The following PAX3 variants were observed in gnomAD, a reference collection of about 807,000 sequenced individuals.
The protein encoded by PAX3 is paired box 3, also known as paired box protein Pax-3.
PAX3 carries 14 observed loss-of-function variants against 51.6 expected under a neutral mutation model. That is an observed-to-expected ratio of 0.27 (90% CI 0.18 to 0.42). The LOEUF is 0.42. PAX3 is among the 10% of genes least tolerant of loss of function. The pLI is 1.00. For synonymous variants in PAX3, 280 were observed against 253.4 expected (o/e 1.11, Z -1.00); for missense variants, 540 against 642.8 (o/e 0.84, Z 1.73).
At chr2:222,268,084 C>T (rs1330838174) in intron 4 of PAX3, among the ~76,000 whole-genome samples, 1 of 152,174 alleles carries the variant, frequency 6.6e-6, no homozygotes, top group East Asian at 1.9e-4. Flanking sequence ...CTATTACTGT[C>T]CCTCCAAACA....
chr2:222,267,739 C>T (rs1694102677), intron 4 of PAX3, among the ~76,000 whole-genome samples: 1 of 152,180 alleles, frequency 6.6e-6, no homozygotes. Context: ...ACCCCCTAAC[C>T]ACTCAAACAT....
intron 4 of PAX3, among the ~76,000 whole-genome samples, chr2:222,285,319 T>C (rs1422807206): frequency 2.0e-5 from 3 of 152,188 alleles, no homozygotes; most frequent in Admixed American, 2.0e-4. Context: ...AATAAAATGC[T>C]TTTGAAAGAA....
At chr2:222,296,908 CCCCG>C in intron 2 of PAX3, 66 bp downstream of exon 2, 3 of 1,326,342 alleles carry the variant, frequency 2.3e-6, no homozygotes, top group Non-Finnish European at 3.2e-6. Flanking sequence ...AGCCGTTACC[CCCCG>C]CCCGGTCTTC....
intron 5 of PAX3, among the ~76,000 whole-genome samples, chr2:222,226,269 G>A (rs1477969268): frequency 6.6e-6 from 1 of 152,108 alleles, no homozygotes; most frequent in Non-Finnish European, 1.5e-5. Context: ...GGAAATTCAG[G>A]GCAAGCTGCT....
chr2:222,220,534 C>T (rs116204259), intron 6 of PAX3, among the ~76,000 whole-genome samples, 180 bp from the exon 7 acceptor site: 3 of 152,246 alleles, frequency 2.0e-5, no homozygotes, highest in East Asian at 3.9e-4. Flanking sequence ...TACAGTCACA[C>T]CTATCTCTGC....
At chr2:222,223,437 T>C (rs1304767720) in intron 5 of PAX3, among the ~76,000 whole-genome samples, 2 of 152,192 alleles carry the variant, frequency 1.3e-5, no homozygotes, top group African/African-American at 2.4e-5. Context: ...TAACTGTGCT[T>C]TCTCACTGCC....
At chr2:222,228,365 CTGTTTATTGG>C (rs1324655149) in intron 5 of PAX3, among the ~76,000 whole-genome samples, 1 of 152,150 alleles carries the variant, frequency 6.6e-6, no homozygotes, top group Non-Finnish European at 1.5e-5. Context: ...GTATGAACTA[CTGTTTATTGG>C]TTTGATCCCA....
intron 4 of PAX3, among the ~76,000 whole-genome samples, chr2:222,240,130 G>C (rs1028665773): frequency 2.0e-5 from 3 of 152,182 alleles, no homozygotes; most frequent in Non-Finnish European, 4.4e-5. Flanking sequence ...CCGAGTGCCT[G>C]CTGCCCTGGG....
intron 4 of PAX3, among the ~76,000 whole-genome samples, chr2:222,277,930 C>T (rs1380423792): frequency 1.8e-5 from 2 of 110,936 alleles, no homozygotes; most frequent in African/African-American, 3.2e-5. Flanking sequence ...GAGACTCCAT[C>T]TCAAAAAAAA....
At chr2:222,252,131 G>A (rs1390909371) in intron 4 of PAX3, among the ~76,000 whole-genome samples, 2 of 152,152 alleles carry the variant, frequency 1.3e-5, no homozygotes, top group Non-Finnish European at 2.9e-5. Context: ...TTTTAGTGTT[G>A]ATAAAGTCTA....
chr2:222,294,386 A>C (rs1574764855), intron 3 of PAX3, 85 bp from the exon 4 acceptor site: 4 of 1,498,696 alleles, frequency 2.7e-6, no homozygotes, highest in Non-Finnish European at 3.7e-6. Flanking sequence ...CCACCCCCAA[A>C]CACCAGCCAG....
At chr2:222,247,084 C>G (rs1254148690) in intron 4 of PAX3, among the ~76,000 whole-genome samples, 1 of 152,194 alleles carries the variant, frequency 6.6e-6, no homozygotes, top group Non-Finnish European at 1.5e-5. Flanking sequence ...AAGTTAGCCA[C>G]AAGTTTAAGA....
chr2:222,298,918 A>C lies in PAX3; in HGVS notation c.-303T>G. ...ACTGGGGTCCCTGAAAAGGGGGCTC[A>C]GAGAGCCACGGCGAGCCGGGGAGCC... On this transcript the variant is annotated 5_prime_UTR_variant, in exon 1 of 9. Transcript: ENST00000392070. The C allele has an allele frequency of 2.0e-6, 1 of 509,566 alleles. No individual in the cohort carries two copies. The highest frequency in any genetic ancestry group is 3.6e-6 in the Non-Finnish European group (1 of 281,372). 31.6% of individuals were successfully genotyped at this position (509,566 alleles called of 1,614,324 possible).
At chr2:222,216,403 C>G (rs1459739823) in intron 7 of PAX3, among the ~76,000 whole-genome samples, 2 of 152,150 alleles carry the variant, frequency 1.3e-5, no homozygotes, top group Admixed American at 1.3e-4. Context: ...TGCACAGACC[C>G]TTTCAGCAAC....
chr2:222,220,897 G>T (rs1170880276), intron 6 of PAX3, among the ~76,000 whole-genome samples: 1 of 152,162 alleles, frequency 6.6e-6, no homozygotes, highest in African/African-American at 2.4e-5. Context: ...AAGCATCATT[G>T]AATTCCAGTT....
chr2:222,214,307 G>C (rs769926727), intron 7 of PAX3: 1 of 152,140 alleles, frequency 6.6e-6, no homozygotes, highest in Non-Finnish European at 1.5e-5. Flanking sequence ...ATGGAACCAC[G>C]ATAGTCTAAT....
intron 4 of PAX3, among the ~76,000 whole-genome samples, chr2:222,272,376 C>T (rs1694284375): frequency 6.6e-6 from 1 of 152,146 alleles, no homozygotes; most frequent in African/African-American, 2.4e-5. Flanking sequence ...GTGATCTAAA[C>T]AAATCTCTAG....
At chr2:222,284,390 G>C (rs1197073828) in intron 4 of PAX3, among the ~76,000 whole-genome samples, 1 of 152,140 alleles carries the variant, frequency 6.6e-6, no homozygotes, top group African/African-American at 2.4e-5. Context: ...GTTTGAGTTG[G>C]AGTTTCAAAA....
intron 4 of PAX3, among the ~76,000 whole-genome samples, chr2:222,234,555 C>T (rs2106099445): frequency 6.6e-6 from 1 of 152,264 alleles, no homozygotes; most frequent in South Asian, 2.1e-4. Context: ...TTAGGATGAC[C>T]TGGAGGGCTT....
Sources: allele counts gnomAD v4.1 joint callset (sites outside exome capture counted in the v4.1 genomes callset), GRCh38; gene constraint gnomAD v4.1.1; transcripts MANE v1.5; gene names NCBI Gene and HGNC (gene_info 2026-07-23, HGNC 2026-07-21).